Variants in AGAP1 observed in about 807,000 individuals in gnomAD.
AGAP1 encodes arf-GAP with GTPase, ANK repeat and PH domain-containing protein 1.
AGAP1 carries 29 observed loss-of-function variants against 105.3 expected under a neutral mutation model. The observed-to-expected ratio is 0.28, with a 90% CI of 0.21 to 0.38. The LOEUF (loss-of-function observed/expected upper bound fraction) is 0.38. Among genes scored for constraint, AGAP1 ranks in the 10% least tolerant of loss-of-function variants. AGAP1 has a pLI of 1.00. For synonymous variants in AGAP1, 509 were observed against 485.9 expected, an observed-to-expected ratio of 1.05 and a Z score of -0.63; for missense variants, 998 against 1,165.1, an observed-to-expected ratio of 0.86 and a Z score of 2.09.
At chr2:235,823,568 T>C (rs2106301525) in intron 9 of AGAP1, among the ~76,000 whole-genome samples, 1 of 152,306 alleles carries the variant, frequency 6.6e-6, no homozygotes, top group South Asian at 2.1e-4. Flanking sequence ...AAGAGCTTGC[T>C]CAAGGTCCTT....
intron 9 of AGAP1, among the ~76,000 whole-genome samples, chr2:235,826,253 T>C (rs1959056398): frequency 6.6e-6 from 1 of 152,154 alleles, no homozygotes; most frequent in Non-Finnish European, 1.5e-5. Context: ...CTAGTTTTCC[T>C]CATGAGCATG....
intron 1 of AGAP1, among the ~76,000 whole-genome samples, chr2:235,581,757 A>C (rs1164934358): frequency 6.6e-6 from 1 of 152,184 alleles, no homozygotes; most frequent in East Asian, 1.9e-4. Context: ...GTGAGCCGAG[A>C]TCGTGCTACT....
intron 16 of AGAP1, among the ~76,000 whole-genome samples, chr2:236,116,744 C>T (rs552837354): frequency 6.7e-6 from 1 of 150,254 alleles, no homozygotes; most frequent in African/African-American, 2.4e-5. Flanking sequence ...TTATCCCTCG[C>T]CCCCCTCCCA....
Position 236,004,131 on chromosome 2 carries a change from C to T in AGAP1, c.1646-32430C>T, listed in dbSNP as rs566683227. 2.6e-5 allele frequency among the ~76,000 whole-genome samples: 4 copies of T among 152,244 alleles called. 1 individual carries two copies. In the South Asian group the frequency reaches 8.3e-4, roughly 32 times the overall value. On this transcript the variant is annotated intron_variant, in intron 13 of 17. Coordinates refer to ENST00000304032, the MANE Select transcript of AGAP1 (RefSeq NM_001037131.3). ...ACCCTCCTCCTGTGTAACTTTGTTA[C>T]TGTTTTTCCTGTCTCAGGAAAGATG...
Position 235,611,344 on chromosome 2 carries a change from A to T in AGAP1, c.164-97835A>T, listed in dbSNP as rs1946118310. Among the ~76,000 whole-genome samples the T allele has an allele frequency of 6.6e-6, 1 of 152,214 alleles. No individual in the cohort carries two copies. The highest frequency in any genetic ancestry group is 6.5e-5 in the Admixed American group (1 of 15,290). The stretch of plus-strand genomic sequence containing the variant: ...CCCTTGAGGTCAGGATGCTGCAACG[A>T]ATATAATAGAAAATGATGTTAATAT... On this transcript the variant is annotated intron_variant, in intron 1 of 17. Transcript: ENST00000304032. The surrounding 1 kb of genome is among the most constrained non-coding windows in gnomAD (Gnocchi z 5.0).
chr2:236,089,630 G>C lies in AGAP1; in HGVS notation c.2115-30562G>C, dbSNP rs979655858. On this transcript the variant is annotated intron_variant, in intron 16 of 17. Coordinates refer to ENST00000304032, the MANE Select transcript of AGAP1 (RefSeq NM_001037131.3). The surrounding 1 kb of genome is among the most constrained non-coding windows in gnomAD (Gnocchi z 5.6). ...AAGAAGAGTTTGCACAGAAGAAAAGGGAGGTTGTTTAACCAGAAAGGCCCT... is the reference window on the plus strand; with the variant it reads ...AAGAAGAGTTTGCACAGAAGAAAAGCGAGGTTGTTTAACCAGAAAGGCCCT... Among the ~76,000 whole-genome samples the C allele has an allele frequency of 2.0e-5, 3 of 152,172 alleles. No homozygotes were observed. The highest frequency in any genetic ancestry group is 4.4e-5 in the Non-Finnish European group (3 of 68,030).
chr2:235,530,583 C>T (rs1206913261), intron 1 of AGAP1, among the ~76,000 whole-genome samples: 1 of 152,096 alleles, frequency 6.6e-6, no homozygotes, highest in African/African-American at 2.4e-5. Context: ...GGCTCATGGC[C>T]CCTTCCTCTG....
rs1008562334 is a variant in AGAP1 at position 236,061,904 on chromosome 2, C to T, written c.2114+12623C>T. Among the ~76,000 whole-genome samples, 2 of 151,110 alleles carry T rather than the reference C, an allele frequency of 1.3e-5. No individual in the cohort carries two copies. The highest frequency in any genetic ancestry group is 4.9e-5 in the African/African-American group (2 of 41,006). On this transcript the variant is annotated intron_variant, in intron 16 of 17. Coordinates refer to ENST00000304032, the MANE Select transcript of AGAP1 (RefSeq NM_001037131.3). This position sits in a 1 kb window ranked among gnomAD's most constrained non-coding sequence, Gnocchi z 4.1. ...TTGAAAAAAAAAAAAAAGGAATTTC[C>T]AAAGGAAAACAGATGAGCCAGGGCG...
chr2:235,945,418 C>T (rs1409693264), intron 12 of AGAP1, among the ~76,000 whole-genome samples: 1 of 152,126 alleles, frequency 6.6e-6, no homozygotes, highest in African/African-American at 2.4e-5. Flanking sequence ...GCAGAAAAGT[C>T]CCACCATTAA....
Position 235,793,527 on chromosome 2 carries a change from G to A in AGAP1, c.674-4232G>A, listed in dbSNP as rs543327129. ...TGGTGTCATGAGCAGTCCCAGAGCCGTCGGATTGCTCTGGTGCACTTGCTG... is the reference window on the plus strand; with the variant it reads ...TGGTGTCATGAGCAGTCCCAGAGCCATCGGATTGCTCTGGTGCACTTGCTG... On this transcript the variant is annotated intron_variant, in intron 6 of 17. Coordinates refer to ENST00000304032, the MANE Select transcript of AGAP1 (RefSeq NM_001037131.3). The surrounding 1 kb of genome is among the most constrained non-coding windows in gnomAD (Gnocchi z 5.3). 7.9e-5 allele frequency among the ~76,000 whole-genome samples: 12 copies of A among 152,158 alleles called. No individual in the cohort carries two copies. The highest frequency in any genetic ancestry group is 6.2e-4 in the South Asian group (3 of 4,824).
In AGAP1 at chr2:236,102,594, AAAAAAAAG is replaced by A. The variant is rs932167176; in HGVS notation, c.2115-17594_2115-17587del. Among the ~76,000 whole-genome samples the A allele has an allele frequency of 4.6e-5, 7 of 151,694 alleles. 1 individual carries two copies. In the South Asian group the frequency reaches 1.2e-3, roughly 27 times the overall value. ...CAGAGTGAGAGACTGTTAAAAAAAA[AAAAAAAAG>A]AAAGAAAGAAAGAAAACTTCCTTTG... On this transcript the variant is annotated intron_variant, in intron 16 of 17. Coordinates refer to ENST00000304032, the MANE Select transcript of AGAP1 (RefSeq NM_001037131.3).
In AGAP1 at chr2:235,960,708, C is replaced by T. The variant is rs116385998; in HGVS notation, c.1484-7754C>T. ...TTCTCTTCACTCTAGAAATCAGCCC[C>T]GTGGGACAGGGGTCTTGCCCTTTAT... On this transcript the variant is annotated intron_variant, in intron 12 of 17. Coordinates refer to ENST00000304032, the MANE Select transcript of AGAP1 (RefSeq NM_001037131.3). The surrounding 1 kb of genome is among the most constrained non-coding windows in gnomAD (Gnocchi z 4.9). 6.3e-3 allele frequency among the ~76,000 whole-genome samples: 956 copies of T among 152,308 alleles called. 9 individuals are homozygous for T. The highest frequency in any genetic ancestry group is 0.022 in the African/African-American group (910 of 41,564).
Position 235,989,854 on chromosome 2 carries a change from C to T in AGAP1, c.1645+21231C>T, listed in dbSNP as rs138253482. Among the ~76,000 whole-genome samples the T allele has an allele frequency of 3.9e-5, 6 of 152,218 alleles. No homozygotes were observed. Among genetic ancestry groups the T allele is most frequent in the Non-Finnish European group, 7.4e-5 (5 of 68,012 alleles). ...ACAGCCTCGGAAGAGGAAATCCATG[C>T]GTCTTCCTTTTGCCCACAGGAGAAG... On this transcript the variant is annotated intron_variant, in intron 13 of 17. Coordinates refer to ENST00000304032, the MANE Select transcript of AGAP1 (RefSeq NM_001037131.3). The surrounding 1 kb of genome is among the most constrained non-coding windows in gnomAD (Gnocchi z 4.4).
At chr2:235,651,184 CAAAAAAAAAAAAAAAAAAAAA>C (rs55990003) in intron 1 of AGAP1, among the ~76,000 whole-genome samples, 4 of 54,156 alleles carry the variant, frequency 7.4e-5, no homozygotes, top group Admixed American at 3.7e-4. Context: ...AACTCCATCT[CAAAAAAAAAAAAAAAAAAAAA>C]AAAAAAAAAA....
In AGAP1 at chr2:235,621,747, A is replaced by G. The variant is rs1034375360; in HGVS notation, c.164-87432A>G. ...GGGTTTATGTCCTAAGGATTTGAAG[A>G]TAGAAGAGGCACAGCAGTCACTTGG... On this transcript the variant is annotated intron_variant, in intron 1 of 17. Coordinates refer to ENST00000304032, the MANE Select transcript of AGAP1 (RefSeq NM_001037131.3). The surrounding 1 kb of genome is among the most constrained non-coding windows in gnomAD (Gnocchi z 4.1). 3.9e-5 allele frequency among the ~76,000 whole-genome samples: 6 copies of G among 152,228 alleles called. No homozygotes were observed. The highest frequency in any genetic ancestry group is 1.4e-4 in the African/African-American group (6 of 41,454).
rs184310548 is a variant in AGAP1, at chr2:236,107,643, G to A, written c.2115-12549G>A. Among the ~76,000 whole-genome samples the A allele has an allele frequency of 1.6e-4, 25 of 152,294 alleles. No homozygotes were observed. The East Asian group carries it at 4.1e-3, about 25-fold the overall frequency. On this transcript the variant is annotated intron_variant, in intron 16 of 17. Transcript: ENST00000304032. ...AGGTTTGGGGACAAGACTAAGCTCA[G>A]CTCCCAGTAACTGGCCCTCCCCTTG...
chr2:235,816,682 G>A (rs1478482284), intron 9 of AGAP1, among the ~76,000 whole-genome samples: 3 of 152,056 alleles, frequency 2.0e-5, no homozygotes, highest in East Asian at 3.9e-4. Flanking sequence ...CCTGAGGCCA[G>A]GAGTTCAAGA....
At chr2:236,064,378 G>A (rs1431963387) in intron 16 of AGAP1, among the ~76,000 whole-genome samples, 4 of 152,138 alleles carry the variant, frequency 2.6e-5, no homozygotes, top group African/African-American at 7.2e-5. Context: ...ATCACTTGAG[G>A]TTGGGAGTTT....
In AGAP1 at chr2:235,719,729, C is replaced by G. The variant is rs192843800; in HGVS notation, c.310+2085C>G. ...GAAAGATCATGATCCCTGACCTTTT[C>G]TCATGCCCTGCAGCAGCCCTCCCTG... On this transcript the variant is annotated intron_variant, in intron 3 of 17. Coordinates refer to ENST00000304032, the MANE Select transcript of AGAP1 (RefSeq NM_001037131.3). The surrounding 1 kb of genome is among the most constrained non-coding windows in gnomAD (Gnocchi z 4.9). 6.6e-6 allele frequency among the ~76,000 whole-genome samples: 1 copy of G among 152,288 alleles called. No homozygotes were observed. The highest frequency in any genetic ancestry group is 1.5e-5 in the Non-Finnish European group (1 of 68,026).
Sources: gnomAD v4.1 joint callset for allele counts (sites outside exome capture counted in the v4.1 genomes callset) on GRCh38, gnomAD v4.1.1 for gene constraint, Gnocchi (gnomAD v3.1) non-coding constraint, MANE v1.5 for transcripts, NCBI Gene and HGNC (gene_info 2026-07-23, HGNC 2026-07-21) for gene names.